ARHGAP9: variants seen among roughly 807,000 people sequenced by gnomAD.
The protein encoded by ARHGAP9 is rho GTPase-activating protein 9.
In ARHGAP9, 76 loss-of-function variants were observed where a neutral mutation model predicts 87.3. That is an observed-to-expected ratio of 0.87 (90% CI 0.72 to 1.05). The LOEUF (loss-of-function observed/expected upper bound fraction) is 1.05. Among genes scored for constraint, ARHGAP9 ranks in the 50% least tolerant of loss-of-function variants. The pLI is 0.00. For missense variants in ARHGAP9, 941 were observed against 960.5 expected, an observed-to-expected ratio of 0.98 and a Z score of 0.27; for synonymous variants, 382 against 394.9, an observed-to-expected ratio of 0.97 and a Z score of 0.39.
intron 6 of ARHGAP9, 100 bp downstream of exon 6, chr12:57,476,771 G>T: frequency 6.6e-7 from 1 of 1,517,512 alleles, no homozygotes; most frequent in Non-Finnish European, 9.1e-7. Flanking sequence ...GGGCTGGGTA[G>T]GAGGATATTC....
chr12:57,488,103 G>GT (rs747951498), intron 1 of ARHGAP9: 5 of 1,614,166 alleles, frequency 3.1e-6, no homozygotes, highest in Non-Finnish European at 4.2e-6. Flanking sequence ...GAGACTGTTC[G>GT]TGAGTGATGG....
At chr12:57,487,344 C>T (rs754750033) in intron 1 of ARHGAP9, 1 of 152,080 alleles carries the variant, frequency 6.6e-6, no homozygotes, top group Non-Finnish European at 1.5e-5. Flanking sequence ...GTCACTAATT[C>T]CGCACATGGT....
rs757084294 is a variant in ARHGAP9, at chr12:57,477,736, C to T, written c.535-56G>A. 8 of 1,590,356 alleles carry T rather than the reference C, an allele frequency of 5.0e-6. No homozygotes were observed. The South Asian group carries it at 9.0e-5, about 18-fold the overall frequency. ...CATTCTGCCTGTTGCCCTTCCCATG[C>T]TTCTCTTGGCCTTCCCACCTCCTGC... On this transcript the variant is annotated intron_variant, in intron 3 of 17. Coordinates refer to ENST00000393791, the MANE Select transcript of ARHGAP9 (RefSeq NM_032496.4).
chr12:57,479,912 C>A (rs1336537284), upstream of ARHGAP9: 2 of 1,443,614 alleles, frequency 1.4e-6, no homozygotes, highest in Non-Finnish European at 1.8e-6. Context: ...ATGCAAGCAT[C>A]AATGTTTCCG....
intron 1 of ARHGAP9, chr12:57,488,158 G>C: frequency 6.2e-7 from 1 of 1,614,162 alleles, no homozygotes; most frequent in Non-Finnish European, 8.5e-7. Context: ...GGGAGAGCCC[G>C]GGGCAGAGCA....
intron 5 of ARHGAP9, 60 bp downstream of exon 5, chr12:57,477,077 GAGAATGTCTTACACAAAAC>G: frequency 6.5e-7 from 1 of 1,545,690 alleles, no homozygotes; most frequent in Non-Finnish European, 8.9e-7. Context: ...GTGGGGAATG[GAGAATGTCTTACACAAAAC>G]AGAAAGTCAT....
In ARHGAP9 at chr12:57,474,483, C is replaced by T; in HGVS notation, c.1730-7G>A. 1 of 1,614,190 alleles carries T rather than the reference C, an allele frequency of 6.2e-7. No homozygotes were observed. Among genetic ancestry groups the T allele is most frequent in the Non-Finnish European group, 8.5e-7 (1 of 1,180,034 alleles). ...TCGGAGGTGACCGCACGCTCTGCAA[C>T]ATGAATGAGGAGAGATCAGGAGCTA... is the stretch of plus-strand genomic sequence containing the variant. On this transcript the variant is annotated splice_polypyrimidine_tract_variant and splice_region_variant and intron_variant, in intron 14 of 17. Transcript: ENST00000393791.
chr12:57,478,631 A>T lies in ARHGAP9; in HGVS notation c.443T>A (p.Leu148Gln). 1 of 1,614,118 alleles carries T rather than the reference A, an allele frequency of 6.2e-7. No homozygotes were observed. The highest frequency in any genetic ancestry group is 8.5e-7 in the Non-Finnish European group (1 of 1,180,030). The change falls in exon 3 of 18, where the codon CTG (leucine) becomes CAG (glutamine). Residue 148 changes from leucine to glutamine, a missense_variant. Transcript: ENST00000393791. ...KMCRSVSTDN[L>Q]SPSLLKPFQE... ...GAAAGGCTTCAGAAGGCTGGGGCTC[A>T]GATTGTCAGTGCTGACGCTCCTACA...
In ARHGAP9 at chr12:57,477,459, C is replaced by T. The variant is rs753153135; in HGVS notation, c.756G>A (p.Thr252=). The T allele has an allele frequency of 1.2e-5, 19 of 1,613,772 alleles. No individual in the cohort carries two copies. The highest frequency in any genetic ancestry group is 2.7e-5 in the African/African-American group (2 of 74,896). The change falls in exon 4 of 18, where the codon ACG becomes ACA. Residue 252 remains threonine, a splice_region_variant and synonymous_variant. Transcript: ENST00000393791. The stretch of plus-strand genomic sequence containing the variant: ...GGAGAAGCAGGAGGTAAGGTCTCAC[C>T]GTCTCGCTGCGACTGCGGCGCGGGG... ...WKPPRRSRSE[T]NPGSMEGTQT...
chr12:57,476,140 ACTTTC>A lies in ARHGAP9; in HGVS notation c.1138_1142del (p.Glu380Ter). ...GGGCCGCCCCGCGCAGGTCCACGCT[ACTTTC>A]GGGCCGGCTACCCGCTGGTCCCTGA... On this transcript the variant is annotated frameshift_variant, in exon 9 of 18. Coordinates refer to ENST00000393791, the MANE Select transcript of ARHGAP9 (RefSeq NM_032496.4). LOFTEE classifies it high-confidence loss of function. 1 of 1,543,116 alleles carries A rather than the reference ACTTTC, an allele frequency of 6.5e-7. No homozygotes were observed. The highest frequency in any genetic ancestry group is 8.7e-7 in the Non-Finnish European group (1 of 1,143,856).
chr12:57,473,370 G>A (rs183890439), intron 17 of ARHGAP9, among the ~76,000 whole-genome samples: 76 of 152,152 alleles, frequency 5.0e-4, no homozygotes, highest in African/African-American at 1.6e-3. Context: ...CTGAAATTGC[G>A]CCACTGCACT....
Position 57,476,181 on chromosome 12 carries a change from G to C in ARHGAP9, c.1117-15C>G. 1 of 1,532,448 alleles carries C rather than the reference G, an allele frequency of 6.5e-7. No homozygotes were observed. The highest frequency in any genetic ancestry group is 8.8e-7 in the Non-Finnish European group (1 of 1,137,470). 94.9% of individuals were successfully genotyped at this position (1,532,448 alleles called of 1,614,324 possible). A position where few individuals can be genotyped will look rare whatever the true frequency, so the allele number is the denominator to read the frequency against. Reference sequence around the variant, plus strand: ...CCCGCTGGTCCCTGACAATGAGGGAGGAAACTGAGGCCACGGTGTTGTTTC... The same window carrying C: ...CCCGCTGGTCCCTGACAATGAGGGACGAAACTGAGGCCACGGTGTTGTTTC... On this transcript the variant is annotated splice_polypyrimidine_tract_variant and intron_variant, in intron 8 of 17. Coordinates refer to ENST00000393791, the MANE Select transcript of ARHGAP9 (RefSeq NM_032496.4).
In ARHGAP9 at chr12:57,479,858, G is replaced by A; in HGVS notation, c.-147C>T. 1 of 1,474,704 alleles carries A rather than the reference G, an allele frequency of 6.8e-7. No homozygotes were observed. The highest frequency in any genetic ancestry group is 9.0e-7 in the Non-Finnish European group (1 of 1,112,384). 91.4% of individuals were successfully genotyped at this position (1,474,704 alleles called of 1,614,324 possible). On this transcript the variant is annotated 5_prime_UTR_variant, in exon 1 of 18. Transcript: ENST00000393791. ...CAAGACAGAAACAGGGAGACACAAG[G>A]TTAATGACAAAGACAAAAATGTGTG...
upstream of ARHGAP9, among the ~76,000 whole-genome samples, chr12:57,484,353 A>G (rs78088057): frequency 6.8e-6 from 1 of 147,284 alleles, no homozygotes. Context: ...CTCTGTCTCA[A>G]AAAAAAAAAA....
rs1873179236 is a variant in ARHGAP9 at position 57,475,353 on chromosome 12, A to C, written c.1490T>G (p.Leu497Arg). ...GTEQNRVRNK[L>R]KRLIAKRPPL... ...CGGTCTCTTCGCGATGAGCCGCTTT[A>C]GTTTGTTGCGCACGCGGTTCTGCTC... Residue 497 changes from leucine to arginine, a missense_variant, in exon 12 of 18, where the codon CTA becomes CGA. Transcript: ENST00000393791. The C allele has an allele frequency of 6.2e-7, 1 of 1,603,810 alleles. No homozygotes were observed. The highest frequency in any genetic ancestry group is 1.7e-5 in the Admixed American group (1 of 58,710).
rs764972025 is a variant in ARHGAP9, at chr12:57,476,920, G to A, written c.914C>T (p.Pro305Leu). Residue 305 changes from proline to leucine, a missense_variant, in exon 6 of 18, where the codon CCA becomes CTA. Coordinates refer to ENST00000393791, the MANE Select transcript of ARHGAP9 (RefSeq NM_032496.4). ...CAGAGGTCGAGGGGCCTGCAAGGCT[G>A]GAGGGTCAAGCTGCGAGGTGCGTTG... The part of the protein sequence containing the change: ...LSQRTSQLDP[P>L]ALQAPRPLPQ... 1 of 1,614,022 alleles carries A rather than the reference G, an allele frequency of 6.2e-7. No individual in the cohort carries two copies. Among genetic ancestry groups the A allele is most frequent in the Non-Finnish European group, 8.5e-7 (1 of 1,179,964 alleles).
chr12:57,475,506 C>A lies in ARHGAP9; in HGVS notation c.1421G>T (p.Arg474Leu). 6.2e-7 allele frequency: 1 copy of A among 1,605,488 alleles called. No individual in the cohort carries two copies. ...ESELVSKPLL[R>L]LSSRRSSIRG... ...ACTGGAGCTCCGGCGGCTGCTGAGGCGCAGCAGCGGCTTGGACACCAGCTC... is the reference window on the plus strand; with the variant it reads ...ACTGGAGCTCCGGCGGCTGCTGAGGAGCAGCAGCGGCTTGGACACCAGCTC... The change falls in exon 11 of 18, where the codon CGC (arginine) becomes CTC (leucine). Residue 474 changes from arginine to leucine, a missense_variant. Transcript: ENST00000393791.
Position 57,477,296 on chromosome 12 carries a change from C to T in ARHGAP9, c.757-27G>A, listed in dbSNP as rs1874123410. ...TGGGTTAGGGGAGGAGGAAATAAAG[C>T]TACATCCAGATGCCACCTCTACCCA... On this transcript the variant is annotated intron_variant, in intron 4 of 17. Coordinates refer to ENST00000393791, the MANE Select transcript of ARHGAP9 (RefSeq NM_032496.4). 3 of 1,539,836 alleles carry T rather than the reference C, an allele frequency of 1.9e-6. No individual in the cohort carries two copies. The South Asian group carries it at 3.8e-5, about 19-fold the overall frequency.
chr12:57,483,109 A>G (rs1473436761), upstream of ARHGAP9, among the ~76,000 whole-genome samples: 1 of 151,928 alleles, frequency 6.6e-6, no homozygotes, highest in African/African-American at 2.4e-5. Context: ...AAAACAAAAC[A>G]AAAAAATATG....
Sources: gnomAD v4.1 joint callset for allele counts (sites outside exome capture counted in the v4.1 genomes callset) on GRCh38, gnomAD v4.1.1 for gene constraint, MANE v1.5 for transcripts, NCBI Gene and HGNC (gene_info 2026-07-23, HGNC 2026-07-21) for gene names.